The following DOCK3 variants were observed in gnomAD, a reference collection of about 807,000 sequenced individuals.
DOCK3 encodes the protein dedicator of cytokinesis 3.
A neutral mutation model predicts 265.6 loss-of-function variants in DOCK3; 60 were observed. That is an observed-to-expected ratio of 0.23 (90% CI 0.18 to 0.28). The LOEUF (loss-of-function observed/expected upper bound fraction) is 0.28, where lower values mean the gene tolerates loss of function less well. Among genes scored for constraint, DOCK3 ranks in the 10% least tolerant of loss-of-function variants. The pLI, the probability that DOCK3 is intolerant of heterozygous loss-of-function variation, is 1.00. For synonymous variants in DOCK3, 881 were observed against 938.0 expected, an observed-to-expected ratio of 0.94 and a Z score of 1.11; for missense variants, 1,981 against 2,594.3, an observed-to-expected ratio of 0.76 and a Z score of 5.14.
intron 1 of DOCK3, among the ~76,000 whole-genome samples, chr3:50,729,394 AT>A (rs1559560439): frequency 1.4e-5 from 2 of 146,156 alleles, no homozygotes; most frequent in Non-Finnish European, 3.0e-5. Context: ...TTATTTATTT[AT>A]TTTATTATTA....
chr3:50,813,244 A>G (rs2043869858), intron 2 of DOCK3, among the ~76,000 whole-genome samples: 1 of 152,216 alleles, frequency 6.6e-6, no homozygotes, highest in Non-Finnish European at 1.5e-5. Flanking sequence ...TCATTAAGTA[A>G]AAAGTGCATT....
intron 5 of DOCK3, among the ~76,000 whole-genome samples, chr3:51,011,977 C>T (rs2078970707): frequency 6.6e-6 from 1 of 152,156 alleles, no homozygotes; most frequent in Admixed American, 6.5e-5. Flanking sequence ...CTCATTGTTC[C>T]TCTGTAAGCT....
At chr3:50,743,687 A>AAT (rs1445813813) in intron 1 of DOCK3, among the ~76,000 whole-genome samples, 1 of 152,200 alleles carries the variant, frequency 6.6e-6, no homozygotes, top group Non-Finnish European at 1.5e-5. Flanking sequence ...CAGATTCATA[A>AAT]AGCAAGTCCT....
intron 2 of DOCK3, among the ~76,000 whole-genome samples, chr3:50,808,052 T>TA (rs1246021013): frequency 6.6e-6 from 1 of 152,222 alleles, no homozygotes; most frequent in Non-Finnish European, 1.5e-5. Flanking sequence ...GTCAGTATTT[T>TA]AAAAACACAT....
intron 4 of DOCK3, among the ~76,000 whole-genome samples, chr3:50,895,600 T>C (rs2048858533): frequency 6.6e-6 from 1 of 152,134 alleles, no homozygotes; most frequent in Non-Finnish European, 1.5e-5. Flanking sequence ...TGTGCCATGG[T>C]GGTTTGCTGC....
chr3:51,214,872 G>A (rs956475274), intron 14 of DOCK3, among the ~76,000 whole-genome samples: 2 of 152,152 alleles, frequency 1.3e-5, no homozygotes, highest in African/African-American at 4.8e-5. Context: ...CAGTAGGTCA[G>A]TATCAGGTTC....
At chr3:50,864,030 C>T (rs947351050) in intron 3 of DOCK3, among the ~76,000 whole-genome samples, 6 of 152,028 alleles carry the variant, frequency 3.9e-5, no homozygotes, top group African/African-American at 1.2e-4. Flanking sequence ...TTGAGGAACC[C>T]CTATATTGTT....
chr3:50,843,926 T>G (rs763795569), intron 3 of DOCK3, among the ~76,000 whole-genome samples: 1 of 152,214 alleles, frequency 6.6e-6, no homozygotes, highest in Non-Finnish European at 1.5e-5. Context: ...GGATACCACA[T>G]CCTTAAAATG....
chr3:50,847,882 C>CAAAAAAAAAA (rs3043428), intron 3 of DOCK3, among the ~76,000 whole-genome samples: 1 of 97,616 alleles, frequency 1.0e-5, no homozygotes, highest in African/African-American at 4.2e-5. Context: ...GGCTCCATTT[C>CAAAAAAAAAA]AAAAAAAAAA....
intron 5 of DOCK3, among the ~76,000 whole-genome samples, chr3:50,951,434 A>AT (rs905034195): frequency 2.0e-5 from 3 of 151,948 alleles, no homozygotes; most frequent in East Asian, 1.9e-4. Flanking sequence ...AAAAACCAGT[A>AT]TTTTTTTCCA....
At chr3:51,149,374 A>C (rs981196344) in intron 10 of DOCK3, among the ~76,000 whole-genome samples, 1 of 151,872 alleles carries the variant, frequency 6.6e-6, no homozygotes, top group Non-Finnish European at 1.5e-5. Flanking sequence ...TTCCAACACT[A>C]TGTTGAATAG....
rs781509133 is a variant in DOCK3, at chr3:51,312,906, G to C, written c.3253+4G>C. On this transcript the variant is annotated splice_donor_region_variant and intron_variant, in intron 31 of 52. Coordinates refer to ENST00000266037, the MANE Select transcript of DOCK3 (RefSeq NM_004947.5). ...TTCAGCATGTGGCAGAATTTGGGTA[G>C]GTTTTTTCTCCCTATTCTTCCCTTC... is the stretch of plus-strand genomic sequence containing the variant. The C allele has an allele frequency of 1.8e-5, 29 of 1,602,824 alleles. No individual in the cohort carries two copies. The East Asian group carries it at 4.0e-4, about 22-fold the overall frequency.
chr3:51,272,587 A>G (rs1406634309), intron 24 of DOCK3, among the ~76,000 whole-genome samples: 1 of 151,388 alleles, frequency 6.6e-6, no homozygotes, highest in Admixed American at 6.6e-5. Flanking sequence ...GCGCCCGGCC[A>G]GGTTTGACTT....
intron 1 of DOCK3, among the ~76,000 whole-genome samples, chr3:50,767,083 A>T (rs2040936621): frequency 6.6e-6 from 1 of 152,008 alleles, no homozygotes; most frequent in African/African-American, 2.4e-5. Flanking sequence ...GTTCGCTCTG[A>T]TGGTAGTTTC....
intron 9 of DOCK3, among the ~76,000 whole-genome samples, chr3:51,107,901 T>G (rs1007788257): frequency 3.3e-5 from 5 of 152,108 alleles, no homozygotes; most frequent in African/African-American, 1.2e-4. Context: ...TTCTTCAAGG[T>G]TGAAATGAAA....
At chr3:51,117,704 C>A (rs962536112) in intron 9 of DOCK3, among the ~76,000 whole-genome samples, 1 of 152,110 alleles carries the variant, frequency 6.6e-6, no homozygotes, top group South Asian at 2.1e-4. Flanking sequence ...GTGTATGTGT[C>A]TAGGAATTTA....
At chr3:51,375,677 G>A (rs951835066) in intron 50 of DOCK3, 71 bp from the exon 51 acceptor site, 63 of 1,550,638 alleles carry the variant, frequency 4.1e-5, no homozygotes, top group Admixed American at 2.0e-4. Flanking sequence ...GTCTCTCGTC[G>A]CCCACAACAC....
intron 4 of DOCK3, among the ~76,000 whole-genome samples, chr3:50,924,523 G>C (rs1365462334): frequency 2.0e-5 from 3 of 152,198 alleles, no homozygotes; most frequent in Admixed American, 6.5e-5. Context: ...GGCAAATAGG[G>C]TATTGAATAG....
chr3:50,968,402 A>C (rs1182118917), intron 5 of DOCK3, among the ~76,000 whole-genome samples: 1 of 152,184 alleles, frequency 6.6e-6, no homozygotes, highest in East Asian at 1.9e-4. Context: ...GTGTAAGGTG[A>C]AGTCTGAGCT....
Sources: allele counts gnomAD v4.1 joint callset (sites outside exome capture counted in the v4.1 genomes callset), GRCh38; gene constraint gnomAD v4.1.1; transcripts MANE v1.5; gene names NCBI Gene and HGNC (gene_info 2026-07-23, HGNC 2026-07-21).